The following GLI2 variants were observed in gnomAD, a reference collection of about 807,000 sequenced individuals.
GLI2 encodes transcription activator GLI2.
A neutral mutation model predicts 78.9 loss-of-function variants in GLI2; 22 were observed. The ratio of observed to expected loss-of-function variants is 0.28; its 90% CI spans 0.20 to 0.40. The LOEUF is 0.40. Ranked by LOEUF, GLI2 falls within the 10% of genes least tolerant of loss-of-function variation. The pLI is 1.00. For synonymous variants in GLI2, 974 were observed against 963.7 expected, an observed-to-expected ratio of 1.01 and a Z score of -0.20; for missense variants, 2,097 against 2,213.2, an observed-to-expected ratio of 0.95 and a Z score of 1.05.
chr2:120,812,601 G>A (rs1409353211), intron 2 of GLI2, among the ~76,000 whole-genome samples: 2 of 152,140 alleles, frequency 1.3e-5, no homozygotes, highest in Admixed American at 6.5e-5. Flanking sequence ...CCTTCTGGGG[G>A]CATGTCTGGC....
In GLI2 at chr2:120,986,346, C is replaced by T. The variant is rs533097069; in HGVS notation, c.1974C>T (p.Pro658=). 1.2e-6 allele frequency: 2 copies of T among 1,613,658 alleles called. No individual in the cohort carries two copies. Among genetic ancestry groups the T allele is most frequent in the South Asian group, 2.2e-5 (2 of 91,080 alleles). Residue 658 remains proline, a synonymous_variant, in exon 13 of 14, where the codon CCC becomes CCT. Transcript: ENST00000361492. Reference sequence around the variant, plus strand: ...AGCCCTCTCCTCTGGGCAGTGCCCCCAACAATGACAGTGGCGTGGAGATGC... The same window carrying T: ...AGCCCTCTCCTCTGGGCAGTGCCCCTAACAATGACAGTGGCGTGGAGATGC... ...SSEPSPLGSA[P]NNDSGVEMPG...
chr2:120,970,954 G>A (rs559995372), intron 7 of GLI2, among the ~76,000 whole-genome samples: 24 of 152,358 alleles, frequency 1.6e-4, no homozygotes, highest in African/African-American at 5.3e-4. Context: ...GTTGTAGAAT[G>A]TGCATTTGCA....
intron 2 of GLI2, among the ~76,000 whole-genome samples, chr2:120,920,578 C>T (rs543534570): frequency 3.3e-5 from 5 of 152,274 alleles, no homozygotes; most frequent in South Asian, 2.1e-4. Context: ...GCCCTGGGAC[C>T]GCCAGCAAGA....
intron 2 of GLI2, among the ~76,000 whole-genome samples, chr2:120,886,159 AGTGTGTGT>A (rs532891541): frequency 0.053 from 6,145 of 116,538 alleles, 215 homozygotes; most frequent in East Asian, 0.12. Flanking sequence ...ATTTTTCCAA[AGTGTGTGT>A]GTGTGTGTGT....
chr2:120,964,604 C>T (rs1465924401), intron 5 of GLI2, among the ~76,000 whole-genome samples: 1 of 152,208 alleles, frequency 6.6e-6, no homozygotes. Flanking sequence ...ACTCCCGGGT[C>T]TCCCGCTTTG....
intron 2 of GLI2, among the ~76,000 whole-genome samples, chr2:120,901,029 C>T (rs1243633562): frequency 6.6e-6 from 1 of 152,164 alleles, no homozygotes; most frequent in Non-Finnish European, 1.5e-5. Flanking sequence ...TTCTCACACA[C>T]CCACATACTT....
intron 1 of GLI2, among the ~76,000 whole-genome samples, chr2:120,795,778 G>A (rs775693342): frequency 3.6e-4 from 54 of 152,064 alleles, no homozygotes; most frequent in Admixed American, 9.2e-4. Context: ...GGCCAGGTGC[G>A]GTGGCTCACG....
chr2:120,955,152 CCTT>C (rs1253927334), intron 4 of GLI2, 90 bp from the exon 5 acceptor site: 31,059 of 300,160 alleles, frequency 0.1, 11,771 homozygotes, highest in East Asian at 0.17. Flanking sequence ...TTTCTCTCTG[CCTT>C]TTTTTTTTTT....
At chr2:120,791,441 A>G (rs974289113) in intron 1 of GLI2, among the ~76,000 whole-genome samples, 4 of 152,254 alleles carry the variant, frequency 2.6e-5, no homozygotes, top group Admixed American at 1.3e-4. Flanking sequence ...CAGAGTCCTC[A>G]GGGCCTCAGG....
intron 1 of GLI2, among the ~76,000 whole-genome samples, chr2:120,760,765 G>A (rs762347292): frequency 2.0e-5 from 3 of 152,140 alleles, no homozygotes; most frequent in African/African-American, 4.8e-5. Context: ...GTTCGGTGGT[G>A]TCTGCCTCCT....
At chr2:120,886,252 GTTTTGTTTTGTTTTGTTTTGT>G (rs1354919755) in intron 2 of GLI2, among the ~76,000 whole-genome samples, 4 of 39,814 alleles carry the variant, frequency 1.0e-4, no homozygotes, top group Admixed American at 2.4e-4. Context: ...GTTTTGTTTT[GTTTTGTTTTGTTTTGTTTTGT>G]TTTGTTTTTT....
intron 2 of GLI2, among the ~76,000 whole-genome samples, chr2:120,924,622 A>G (rs1282752636): frequency 2.0e-5 from 3 of 152,162 alleles, no homozygotes; most frequent in African/African-American, 7.2e-5. Context: ...CTGCCCTGCC[A>G]TGTTTTTAAG....
Position 120,984,685 on chromosome 2 carries a change from C to T in GLI2, c.1847C>T (p.Thr616Ile), listed in dbSNP as rs1251531492. The change falls in exon 12 of 14, where the codon ACC becomes ATC. Residue 616 changes from threonine to isoleucine, a missense_variant. By Grantham distance (89) the Thr-to-Ile change is moderately conservative. Transcript: ENST00000361492. Reference sequence around the variant, plus strand: ...CCAGAGAGCACCGAGGCCAGCAGCACCAGCCAGGCCGTGGAGGACTGCCTG... The same window carrying T: ...CCAGAGAGCACCGAGGCCAGCAGCATCAGCCAGGCCGTGGAGGACTGCCTG... Reference protein sequence around the residue: ...GGPESTEASSTSQAVEDCLHV... With the variant: ...GGPESTEASSISQAVEDCLHV... 6.2e-7 allele frequency: 1 copy of T among 1,613,544 alleles called. No homozygotes were observed. Among genetic ancestry groups the T allele is most frequent in the East Asian group, 2.2e-5 (1 of 44,890 alleles).
intron 2 of GLI2, among the ~76,000 whole-genome samples, chr2:120,900,217 T>C (rs988285428): frequency 6.6e-6 from 1 of 152,174 alleles, no homozygotes; most frequent in Non-Finnish European, 1.5e-5. Context: ...CTTGCTCTTT[T>C]CCCTTCCGGC....
intron 3 of GLI2, among the ~76,000 whole-genome samples, chr2:120,937,607 G>A (rs1680260022): frequency 6.6e-6 from 1 of 152,186 alleles, no homozygotes; most frequent in African/African-American, 2.4e-5. Flanking sequence ...CACCCACTGG[G>A]GGCCCTACCA....
chr2:120,893,447 T>C (rs1195772873), intron 2 of GLI2, among the ~76,000 whole-genome samples: 2 of 152,118 alleles, frequency 1.3e-5, no homozygotes, highest in African/African-American at 4.8e-5. Flanking sequence ...TGAAGGATCT[T>C]CTGAGAACGG....
chr2:120,864,049 G>T (rs936579110), intron 2 of GLI2, among the ~76,000 whole-genome samples: 8 of 152,356 alleles, frequency 5.3e-5, no homozygotes, highest in Non-Finnish European at 1.0e-4. Flanking sequence ...GGACTTAGAG[G>T]TTACCTACTG....
In GLI2 at chr2:120,986,400, C is replaced by A; in HGVS notation, c.2028C>A (p.Asp676Glu). 1.2e-6 allele frequency: 2 copies of A among 1,613,710 alleles called. No individual in the cohort carries two copies. The highest frequency in any genetic ancestry group is 1.3e-5 in the African/African-American group (1 of 75,068). Residue 676 changes from aspartate to glutamate, a missense_variant, in exon 13 of 14, where the codon GAC becomes GAA. Around this residue, in one of 5 missense-constraint regions of GLI2, gnomAD observed 68 missense variants for 104.4 expected, o/e 0.65. Transcript: ENST00000361492. ...MPGTGPGSLG[D>E]LTALDDTPPG... The stretch of plus-strand genomic sequence containing the variant: ...GGACGGGGCCCGGGAGCCTGGGAGA[C>A]CTGACGGCACTGGATGACACACCCC...
In GLI2 at chr2:120,896,444, A is replaced by G. The variant is rs114068230; in HGVS notation, c.149-30917A>G. Among the ~76,000 whole-genome samples the G allele has an allele frequency of 5.6e-3, 847 of 152,208 alleles. 16 individuals are homozygous for G. Among genetic ancestry groups the G allele is most frequent in the African/African-American group, 0.019 (804 of 41,546 alleles). On this transcript the variant is annotated intron_variant, in intron 2 of 13. Transcript: ENST00000361492. ...AGAGATATGAGTATTAGCCAGGCCC[A>G]CCAAGCTGGGGTGGGGGGGTATTGA... is the stretch of plus-strand genomic sequence containing the variant.
Sources: allele counts gnomAD v4.1 joint callset (sites outside exome capture counted in the v4.1 genomes callset), GRCh38; gene constraint gnomAD v4.1.1; regional missense constraint gnomAD v4.1.1; transcripts MANE v1.5; gene names NCBI Gene and HGNC (gene_info 2026-07-23, HGNC 2026-07-21).